SAXO3: variants seen among roughly 807,000 people sequenced by gnomAD.
SAXO3 encodes stabilizer of axonemal microtubules 3, also known as CTB-60B18.10.
At chr19:49,018,989 G>T in the SAXO3 span, 3 of 1,533,234 alleles carry the variant, frequency 2.0e-6, no homozygotes, top group Admixed American at 2.0e-5. Context: ...TCTTCGTCCA[G>T]GCAATTAGAG....
chr19:49,019,961 G>A, the SAXO3 span: 18 of 1,514,492 alleles, frequency 1.2e-5, no homozygotes, highest in Admixed American at 4.0e-5. Flanking sequence ...TGCAGGCTCT[G>A]GGGCTCTGGG....
At chr19:49,019,518 G>T in the SAXO3 span, 8 of 1,167,528 alleles carry the variant, frequency 6.9e-6, no homozygotes, top group East Asian at 1.6e-4. Context: ...CCCCTCCCCC[G>T]GCTCCTCTAA....
chr19:49,019,480 G>A, the SAXO3 span: 3 of 1,226,814 alleles, frequency 2.4e-6, no homozygotes, highest in Non-Finnish European at 3.1e-6. Context: ...TGTAGTCCCT[G>A]GTCCTTCTGG....
the SAXO3 span, chr19:49,019,744 T>C: frequency 2.5e-6 from 3 of 1,199,712 alleles, no homozygotes; most frequent in Admixed American, 1.1e-4. Context: ...GCCAGTGTAC[T>C]GCGCCCTCGT....
At chr19:49,019,972 C>G in the SAXO3 span, 1 of 1,515,924 alleles carries the variant, frequency 6.6e-7, no homozygotes, top group Non-Finnish European at 8.8e-7. Flanking sequence ...GGGCTCTGGG[C>G]TGGGCGCAGG....
chr19:49,018,059 T>C, the SAXO3 span: 16 of 398,562 alleles, frequency 4.0e-5, no homozygotes, highest in East Asian at 5.7e-4. Context: ...GGGCTTCCAG[T>C]GCGGGCCGCC....
chr19:49,020,420 G>T, the SAXO3 span: 1 of 399,324 alleles, frequency 2.5e-6, no homozygotes. Flanking sequence ...TAATGCGGTG[G>T]GAAAAGTAGC....
the SAXO3 span, chr19:49,019,522 C>T: frequency 1.7e-6 from 2 of 1,172,710 alleles, no homozygotes; most frequent in Non-Finnish European, 2.2e-6. Context: ...TCCCCCGGCT[C>T]CTCTAACCTC....
chr19:49,020,421 G>C, the SAXO3 span: 1 of 399,300 alleles, frequency 2.5e-6, no homozygotes. Context: ...AATGCGGTGG[G>C]AAAAGTAGCT....
chr19:49,019,365 C>G, the SAXO3 span: 1 of 1,232,956 alleles, frequency 8.1e-7, no homozygotes, highest in Non-Finnish European at 1.0e-6. Context: ...TCCAAGTTAC[C>G]TCTCCCAACT....
At chr19:49,018,960 C>T in the SAXO3 span, 2 of 1,533,838 alleles carry the variant, frequency 1.3e-6, no homozygotes, top group African/African-American at 1.4e-5. Context: ...TGTGAAAGGC[C>T]GGCCAGACAG....
At chr19:49,018,991 C>T in the SAXO3 span, 1 of 1,532,908 alleles carries the variant, frequency 6.5e-7, no homozygotes, top group Non-Finnish European at 8.7e-7. Context: ...TTCGTCCAGG[C>T]AATTAGAGCC....
the SAXO3 span, chr19:49,019,309 C>T: frequency 8.3e-7 from 1 of 1,201,570 alleles, no homozygotes; most frequent in South Asian, 3.1e-5. Context: ...TGTCTTAAAC[C>T]GTCTTGGTGT....
the SAXO3 span, chr19:49,019,492 C>T: frequency 8.5e-7 from 1 of 1,169,820 alleles, no homozygotes; most frequent in Non-Finnish European, 1.1e-6. Flanking sequence ...TCCTTCTGGC[C>T]TGGCCTAATG....
the SAXO3 span, chr19:49,018,097 G>A: frequency 2.5e-6 from 1 of 399,174 alleles, no homozygotes; most frequent in Non-Finnish European, 4.4e-6. Context: ...GGCAGAAGCG[G>A]TCGAGCCGCC....
the SAXO3 span, chr19:49,019,325 CTG>C: frequency 8.4e-7 from 1 of 1,188,104 alleles, no homozygotes; most frequent in Non-Finnish European, 1.1e-6. Flanking sequence ...GGTGTGGCCA[CTG>C]GAGCTGAGCT....
the SAXO3 span, chr19:49,018,757 A>G: frequency 1.1e-6 from 1 of 887,592 alleles, no homozygotes; most frequent in Non-Finnish European, 1.7e-6. Context: ...TTGCTGCTAC[A>G]GAAGTCGAGG....
At chr19:49,019,173 T>C in the SAXO3 span, 1 of 1,411,022 alleles carries the variant, frequency 7.1e-7, no homozygotes, top group Middle Eastern at 2.6e-4. Context: ...GCCAGGGAAC[T>C]TCAGCTTCCT....
chr19:49,018,005 T>A, the SAXO3 span: 4 of 398,192 alleles, frequency 1.0e-5, no homozygotes, highest in Non-Finnish European at 1.3e-5. Context: ...ATAGCTGGAG[T>A]TCTCGGTACT....
Sources: allele counts gnomAD v4.1 joint callset, GRCh38; gene constraint gnomAD v4.1.1; transcripts MANE v1.5; gene names NCBI Gene and HGNC (gene_info 2026-07-23, HGNC 2026-07-21).